The following ZFYVE9 variants were observed in gnomAD, a reference collection of about 807,000 sequenced individuals.
ZFYVE9 encodes zinc finger FYVE-type containing 9, also known as zinc finger FYVE domain-containing protein 9.
In ZFYVE9, 43 loss-of-function variants were observed where a neutral mutation model predicts 126.7. The ratio of observed to expected loss-of-function variants is 0.34; its 90% CI spans 0.27 to 0.44. The LOEUF (loss-of-function observed/expected upper bound fraction) is 0.44. Ranked by LOEUF, ZFYVE9 falls within the 20% of genes least tolerant of loss-of-function variation. ZFYVE9 has a pLI of 1.00. For synonymous variants in ZFYVE9, 521 were observed against 597.4 expected (o/e 0.87, Z 1.87); for missense variants, 1,476 against 1,697.0 (o/e 0.87, Z 2.29).
chr1:52,276,945 C>A (rs1446915035), intron 8 of ZFYVE9, among the ~76,000 whole-genome samples: 1 of 152,202 alleles, frequency 6.6e-6, no homozygotes, highest in Non-Finnish European at 1.5e-5. Flanking sequence ...AGGCTCTCAG[C>A]AAATGCTGTC....
chr1:52,232,728 C>CAAAAAAAAAAA (rs552213191), intron 2 of ZFYVE9, among the ~76,000 whole-genome samples: 2 of 27,342 alleles, frequency 7.3e-5, no homozygotes, highest in African/African-American at 2.1e-4. Flanking sequence ...GACTCTGTCT[C>CAAAAAAAAAAA]AAAAAAAAAA....
chr1:52,211,120 G>A lies in ZFYVE9; in HGVS notation c.-142-5249G>A, dbSNP rs115066114. On this transcript the variant is annotated intron_variant, in intron 1 of 18. Coordinates refer to ENST00000287727, the MANE Select transcript of ZFYVE9 (RefSeq NM_004799.4). Reference sequence around the variant, plus strand: ...GGCATGGTTACTGGGTTCCAAGAGTGAGTGTCCCAAAAGGAGTGGTCAGAA... The same window carrying A: ...GGCATGGTTACTGGGTTCCAAGAGTAAGTGTCCCAAAAGGAGTGGTCAGAA... Among the ~76,000 whole-genome samples, 600 of 152,320 alleles carry A rather than the reference G, an allele frequency of 3.9e-3. 12 individuals carry two copies. The South Asian group carries it at 0.044, about 11-fold the overall frequency.
chr1:52,175,644 T>A (rs892419770), intron 1 of ZFYVE9, among the ~76,000 whole-genome samples: 1 of 152,078 alleles, frequency 6.6e-6, no homozygotes, highest in Non-Finnish European at 1.5e-5. Context: ...AGGTACACCA[T>A]TCAGATGTAG....
intron 2 of ZFYVE9, among the ~76,000 whole-genome samples, chr1:52,221,392 T>C (rs1301047166): frequency 1.3e-5 from 2 of 152,252 alleles, no homozygotes; most frequent in Non-Finnish European, 2.9e-5. Context: ...TGGGTTTGGA[T>C]TTCCTGTTAG....
intron 13 of ZFYVE9, among the ~76,000 whole-genome samples, chr1:52,316,451 C>A (rs1357805368): frequency 4.7e-5 from 7 of 149,490 alleles, no homozygotes; most frequent in African/African-American, 9.8e-5. Flanking sequence ...CGCCACTGCA[C>A]TCCAGCCTGG....
intron 13 of ZFYVE9, among the ~76,000 whole-genome samples, chr1:52,313,503 A>C (rs1418877689): frequency 6.6e-6 from 1 of 152,212 alleles, no homozygotes; most frequent in Non-Finnish European, 1.5e-5. Flanking sequence ...GGAGATCTGG[A>C]AAGATTTCTG....
chr1:52,189,999 A>T (rs1001698841), intron 1 of ZFYVE9: 4 of 153,290 alleles, frequency 2.6e-5, no homozygotes, highest in African/African-American at 9.6e-5. Context: ...TTGAATTTTG[A>T]GACCCATTCT....
At position 52,281,557 on chromosome 1, in the gene ZFYVE9, A is replaced by G. The variant is rs546357509; in HGVS notation, c.2870-104A>G. On this transcript the variant is annotated intron_variant, in intron 9 of 18. Coordinates refer to ENST00000287727, the MANE Select transcript of ZFYVE9 (RefSeq NM_004799.4). ...GAATTATACAGACTCAGTGTGATCT[A>G]TTTTAATCTTTGCTGTATTGTAACA... The G allele has an allele frequency of 3.8e-6, 5 of 1,302,716 alleles. No individual in the cohort carries two copies. The Admixed American group carries it at 6.7e-5, about 17-fold the overall frequency. The allele number at this position is 1,302,716 out of a possible 1,614,324, so 80.7% of individuals were successfully genotyped here. A position where few individuals can be genotyped will look rare whatever the true frequency, so the allele number is the denominator to read the frequency against.
At chr1:52,338,018 A>G in intron 16 of ZFYVE9, 84 bp downstream of exon 16, 5 of 1,450,558 alleles carry the variant, frequency 3.4e-6, no homozygotes, top group Non-Finnish European at 4.6e-6. Context: ...TTGGTGTTTT[A>G]TAGTTTTACT....
intron 2 of ZFYVE9, among the ~76,000 whole-genome samples, chr1:52,227,762 G>A (rs1261214950): frequency 6.6e-6 from 1 of 152,116 alleles, no homozygotes; most frequent in Non-Finnish European, 1.5e-5. Flanking sequence ...TATTTTATTG[G>A]CACTCTATTC....
chr1:52,155,326 C>T (rs929914160), intron 1 of ZFYVE9, among the ~76,000 whole-genome samples: 9 of 151,592 alleles, frequency 5.9e-5, no homozygotes, highest in East Asian at 1.9e-4. Flanking sequence ...CTCCGCCCCC[C>T]GGGGTTCATG....
rs143604426 is a variant in ZFYVE9, at chr1:52,156,178, C to A, written c.-143+13775C>A. Among the ~76,000 whole-genome samples the A allele has an allele frequency of 1.3e-3, 199 of 152,288 alleles. 2 individuals carry two copies. In the East Asian group the frequency reaches 0.024, roughly 18 times the overall value. On this transcript the variant is annotated intron_variant, in intron 1 of 18. Coordinates refer to ENST00000287727, the MANE Select transcript of ZFYVE9 (RefSeq NM_004799.4). ...ATGTGAAAGTGAACTGCTTCTGATC[C>A]TCTTTTCTGATTAGGATAGAAAGGA... is the stretch of plus-strand genomic sequence containing the variant.
chr1:52,163,351 A>G (rs1644480886), intron 1 of ZFYVE9, among the ~76,000 whole-genome samples: 1 of 152,216 alleles, frequency 6.6e-6, no homozygotes, highest in Non-Finnish European at 1.5e-5. Context: ...CCAGAACTAA[A>G]TATGAGACAA....
intron 5 of ZFYVE9, among the ~76,000 whole-genome samples, chr1:52,265,796 AT>A (rs1193175298): frequency 1.3e-5 from 2 of 152,202 alleles, no homozygotes; most frequent in African/African-American, 4.8e-5. Flanking sequence ...GGCTTTAGAA[AT>A]TTTTAATGAG....
intron 15 of ZFYVE9, among the ~76,000 whole-genome samples, chr1:52,335,939 G>C (rs942980225): frequency 3.3e-5 from 5 of 152,146 alleles, no homozygotes; most frequent in Non-Finnish European, 2.9e-5. Context: ...TTGGAGACCA[G>C]CCTGGCCGAC....
intron 17 of ZFYVE9, among the ~76,000 whole-genome samples, chr1:52,342,540 T>C (rs1646447493): frequency 1.4e-5 from 2 of 147,398 alleles, no homozygotes; most frequent in South Asian, 4.3e-4. Flanking sequence ...AAAGTGCCTT[T>C]TTTTTTTTTT....
At chr1:52,155,736 C>A (rs1005965797) in intron 1 of ZFYVE9, among the ~76,000 whole-genome samples, 4 of 152,176 alleles carry the variant, frequency 2.6e-5, no homozygotes, top group Admixed American at 1.3e-4. Context: ...TCATGTCAAC[C>A]AGTATATGGG....
intron 10 of ZFYVE9, among the ~76,000 whole-genome samples, chr1:52,288,925 C>CAAAA: frequency 1.6e-5 from 1 of 61,996 alleles, no homozygotes; most frequent in Non-Finnish European, 3.5e-5. Context: ...GACTCTGTCT[C>CAAAA]AAAAAAAAAA....
Position 52,239,089 on chromosome 1 carries a change from C to A in ZFYVE9, c.1672C>A (p.Leu558Ile), listed in dbSNP as rs1645307294. The change falls in exon 4 of 19, where the codon CTT becomes ATT. Residue 558 changes from leucine to isoleucine, a missense_variant. Transcript: ENST00000287727. ...HNFCSQVPSV[L>I]GQSSPKVVAS... is the part of the protein sequence containing the mutation. ...TTTCTGTAGTCAAGTTCCATCAGTG[C>A]TTGGGCAATCTTCCCCCAAGGTAGT... is the stretch of plus-strand genomic sequence containing the variant. 6 of 1,613,962 alleles carry A rather than the reference C, an allele frequency of 3.7e-6. No individual in the cohort carries two copies. The highest frequency in any genetic ancestry group is 4.2e-6 in the Non-Finnish European group (5 of 1,180,012).
Sources: allele counts gnomAD v4.1 joint callset (sites outside exome capture counted in the v4.1 genomes callset), GRCh38; gene constraint gnomAD v4.1.1; transcripts MANE v1.5; gene names NCBI Gene and HGNC (gene_info 2026-07-23, HGNC 2026-07-21).